The following OR2K2 variants were observed in gnomAD, a reference collection of about 807,000 sequenced individuals.
OR2K2 encodes the protein olfactory receptor 2K2.
OR2K2 carries 7 observed loss-of-function variants against 11.1 expected under a neutral mutation model. That is an observed-to-expected ratio of 0.63 (90% confidence interval 0.36 to 1.19). The LOEUF (loss-of-function observed/expected upper bound fraction) is 1.19. OR2K2 is among the 50% of genes most tolerant of loss of function. The probability of loss-of-function intolerance (pLI) is 0.02; values close to 1 mark genes in which losing one functional copy is unlikely to be tolerated. For missense variants in OR2K2, 391 were observed against 383.4 expected (o/e 1.02, Z -0.17); for synonymous variants, 152 against 150.8 (o/e 1.01, Z -0.06).
Position 111,327,887 on chromosome 9 carries a change from C to T in OR2K2, c.547G>A (p.Val183Met), listed in dbSNP as rs1273633155. ...IDHFTCEILAVLKLACTSSLL... is the reference protein window; with the variant it reads ...IDHFTCEILAMLKLACTSSLL... ...GAACTTGTGCAAGCTAACTTTAGCACCGCCAGAATTTCACACGTGAAGTGA... is the reference window on the plus strand; with the variant it reads ...GAACTTGTGCAAGCTAACTTTAGCATCGCCAGAATTTCACACGTGAAGTGA... The change falls in exon 2 of 2, where the codon GTG becomes ATG. Residue 183 changes from valine to methionine, a missense_variant. By Grantham distance (21) the Val-to-Met change is conservative. Transcript: ENST00000302681. 6.2e-7 allele frequency: 1 copy of T among 1,614,072 alleles called. No individual in the cohort carries two copies. Among genetic ancestry groups the T allele is most frequent in the Admixed American group, 1.7e-5 (1 of 60,000 alleles).
chr9:111,327,294 G>C lies in OR2K2; in HGVS notation c.*189C>G, dbSNP rs1303395140. 1.3e-5 allele frequency among the ~76,000 whole-genome samples: 2 copies of C among 152,074 alleles called. No homozygotes were observed. The highest frequency in any genetic ancestry group is 1.9e-4 in the East Asian group (1 of 5,198). Reference sequence around the variant, plus strand: ...ACCTCACAACCACAAAACACAAAAAGGAAATATTAACAAATGCAAATTGAA... The same window carrying C: ...ACCTCACAACCACAAAACACAAAAACGAAATATTAACAAATGCAAATTGAA... On this transcript the variant is annotated 3_prime_UTR_variant, in exon 2 of 2. Transcript: ENST00000302681.
Position 111,327,388 on chromosome 9 carries a change from G to C in OR2K2, c.*95C>G, listed in dbSNP as rs375088315. 137 of 767,040 alleles carry C rather than the reference G, an allele frequency of 1.8e-4. 2 individuals are homozygous for C. The East Asian group carries it at 2.1e-3, about 12-fold the overall frequency. The allele number at this position is 767,040 out of a possible 1,614,324, so 47.5% of individuals were successfully genotyped here. Reference sequence around the variant, plus strand: ...TAACTGTGAAATTATATAGAGATAAGATCCGATCAGAGTTCTAAGAGGTTG... The same window carrying C: ...TAACTGTGAAATTATATAGAGATAACATCCGATCAGAGTTCTAAGAGGTTG... On this transcript the variant is annotated 3_prime_UTR_variant, in exon 2 of 2. Transcript: ENST00000302681.
rs553537036 is a variant in OR2K2 at position 111,327,416 on chromosome 9, T to A, written c.*67A>T. On this transcript the variant is annotated 3_prime_UTR_variant, in exon 2 of 2. Transcript: ENST00000302681. ...CCGATCAGAGTTCTAAGAGGTTGTA[T>A]GTTGTCTCGAATTTCTCTGATGAGC... 2.7e-5 allele frequency: 27 copies of A among 1,001,186 alleles called. No homozygotes were observed. In the South Asian group the frequency reaches 3.8e-4, roughly 14 times the overall value. The allele number at this position is 1,001,186 out of a possible 1,614,324, so 62.0% of individuals were successfully genotyped here.
rs760066539 is a variant in OR2K2 at position 111,327,466 on chromosome 9, A to G, written c.*17T>C. On this transcript the variant is annotated 3_prime_UTR_variant, in exon 2 of 2. Coordinates refer to ENST00000302681, the MANE Select transcript of OR2K2 (RefSeq NM_205859.2). ...CTCTGCCAGGGGCACATCTCTGGTA[A>G]AACCATAGGGACCCAATCAGAGATG... The G allele has an allele frequency of 3.3e-6, 5 of 1,538,310 alleles. No individual in the cohort carries two copies. The Admixed American group carries it at 9.5e-5, about 29-fold the overall frequency.
rs574245816 is a variant in OR2K2, at chr9:111,327,452, G to A, written c.*31C>T. ...ATTTCTCTGATGAGCTCTGCCAGGG[G>A]CACATCTCTGGTAAAACCATAGGGA... On this transcript the variant is annotated 3_prime_UTR_variant, in exon 2 of 2. Transcript: ENST00000302681. 1.4e-5 allele frequency: 20 copies of A among 1,420,426 alleles called. No homozygotes were observed. In the African/African-American group the frequency reaches 2.9e-4, roughly 20 times the overall value. 88.0% of individuals were successfully genotyped at this position (1,420,426 alleles called of 1,614,324 possible). A position where few individuals can be genotyped will look rare whatever the true frequency, so the allele number is the denominator to read the frequency against.
rs199574190 is a variant in OR2K2 at position 111,328,034 on chromosome 9, T to C, written c.400A>G (p.Ile134Val). 6.2e-7 allele frequency: 1 copy of C among 1,614,200 alleles called. No homozygotes were observed. Among genetic ancestry groups the C allele is most frequent in the East Asian group, 2.2e-5 (1 of 44,886 alleles). The change falls in exon 2 of 2, where the codon ATC becomes GTC. Residue 134 changes from isoleucine (I) to valine (V), a missense_variant. Transcript: ENST00000302681. ...VAICNPLRYSIIMNRCVCARM... is the reference protein window; with the variant it reads ...VAICNPLRYSVIMNRCVCARM... ...GCACAGACGCACCTGTTCATGATGA[T>C]GGAGTATCTCAGCGGGTTACAAATG...
intron 1 of OR2K2, among the ~76,000 whole-genome samples, chr9:111,329,577 T>C (rs1173529387): frequency 6.6e-6 from 1 of 152,134 alleles, no homozygotes; most frequent in East Asian, 1.9e-4. Flanking sequence ...AAAATAAGAT[T>C]ACAGAGCACA....
rs947068909 is a variant in OR2K2, at chr9:111,328,051, T to A, written c.383A>T (p.Asn128Ile). ...MAYDRYVAIC[N>I]PLRYSIIMNR... Reference sequence around the variant, plus strand: ...CATGATGATGGAGTATCTCAGCGGGTTACAAATGGCCACATAACGGTCATA... The same window carrying A: ...CATGATGATGGAGTATCTCAGCGGGATACAAATGGCCACATAACGGTCATA... The change falls in exon 2 of 2, where the codon AAC becomes ATC. Residue 128 changes from asparagine (N) to isoleucine (I), a missense_variant. Transcript: ENST00000302681. 1 of 1,614,092 alleles carries A rather than the reference T, an allele frequency of 6.2e-7. No homozygotes were observed. The highest frequency in any genetic ancestry group is 1.1e-5 in the South Asian group (1 of 91,076).
chr9:111,327,806 T>G lies in OR2K2; in HGVS notation c.628A>C (p.Met210Leu). 1 of 1,614,124 alleles carries G rather than the reference T, an allele frequency of 6.2e-7. No individual in the cohort carries two copies. Among genetic ancestry groups the G allele is most frequent in the South Asian group, 1.1e-5 (1 of 91,076 alleles). The change falls in exon 2 of 2, where the codon ATG (methionine) becomes CTG (leucine). Residue 210 changes from methionine to leucine, a missense_variant. Coordinates refer to ENST00000302681, the MANE Select transcript of OR2K2 (RefSeq NM_205859.2). ...VVSILLLPIP[M>L]LLVCISYIFI... ...ATGTAAGAGATGCAAACTAAGAGCA[T>G]TGGAATTGGCAAGAGGAGAATGCTG...
Position 111,328,260 on chromosome 9 carries a change from G to T in OR2K2, c.174C>A (p.Pro58=), listed in dbSNP as rs752566904. The part of the protein sequence containing the change: ...ITILDSRLKT[P]MYLFLGNLSF... ...AGAGATTTCCAAGGAATAAGTACAT[G>T]GGGGTTTTAAGGCGTGAATCTAGGA... Residue 58 remains proline (P), a synonymous_variant, in exon 2 of 2, where the codon CCC becomes CCA. Coordinates refer to ENST00000302681, the MANE Select transcript of OR2K2 (RefSeq NM_205859.2). 4.3e-6 allele frequency: 7 copies of T among 1,613,884 alleles called. No individual in the cohort carries two copies. The South Asian group carries it at 7.7e-5, about 18-fold the overall frequency.
At chr9:111,329,197 G>A (rs2098102181) in intron 1 of OR2K2, among the ~76,000 whole-genome samples, 3 of 151,880 alleles carry the variant, frequency 2.0e-5, no homozygotes, top group African/African-American at 7.3e-5. Flanking sequence ...GTGAGACTCT[G>A]TCTCAAAAAA....
Position 111,328,155 on chromosome 9 carries a change from G to A in OR2K2, c.279C>T (p.Ile93=), listed in dbSNP as rs1176976546. 4 of 1,614,072 alleles carry A rather than the reference G, an allele frequency of 2.5e-6. No individual in the cohort carries two copies. Among genetic ancestry groups the A allele is most frequent in the Middle Eastern group, 1.6e-4 (1 of 6,084 alleles). ...VNLLSSQKTI[I]FSGCAVQMYL... ...ACATCTGTACAGCACACCCAGAAAAGATAATGGTTTTCTGGGATGACAGCA... is the reference window on the plus strand; with the variant it reads ...ACATCTGTACAGCACACCCAGAAAAAATAATGGTTTTCTGGGATGACAGCA... The change falls in exon 2 of 2, where the codon ATC becomes ATT. Residue 93 remains isoleucine (I), a synonymous_variant. Coordinates refer to ENST00000302681, the MANE Select transcript of OR2K2 (RefSeq NM_205859.2).
chr9:111,329,422 T>C lies in OR2K2; in HGVS notation c.-50+684A>G, dbSNP rs116773460. Among the ~76,000 whole-genome samples, 348 of 152,302 alleles carry C rather than the reference T, an allele frequency of 2.3e-3. 3 individuals are homozygous for C. Among genetic ancestry groups the C allele is most frequent in the African/African-American group, 8.2e-3 (341 of 41,556 alleles). On this transcript the variant is annotated intron_variant, in intron 1 of 1. Transcript: ENST00000302681. ...ACGTTTAATACTAATACATCCACCG[T>C]ACAATTTCATTCATTGTTGAGCCCC... is the stretch of plus-strand genomic sequence containing the variant.
At chr9:111,328,853 A>G (rs2098102069) in intron 1 of OR2K2, among the ~76,000 whole-genome samples, 1 of 152,238 alleles carries the variant, frequency 6.6e-6, no homozygotes, top group South Asian at 2.1e-4. Flanking sequence ...AGGAAAAGAA[A>G]GCTCAAATGT....
At chr9:111,329,201 CA>C (rs1202723378) in intron 1 of OR2K2, among the ~76,000 whole-genome samples, 1 of 150,374 alleles carries the variant, frequency 6.7e-6, no homozygotes, top group Non-Finnish European at 1.5e-5. Context: ...GACTCTGTCT[CA>C]AAAAAAAGAA....
rs144167845 is a variant in OR2K2, at chr9:111,327,891, C to A, written c.543G>T (p.Leu181=). The A allele has an allele frequency of 2.5e-6, 4 of 1,614,154 alleles. No homozygotes were observed. Among genetic ancestry groups the A allele is most frequent in the African/African-American group, 1.3e-5 (1 of 75,036 alleles). ...TTGTGCAAGCTAACTTTAGCACCGC[C>A]AGAATTTCACACGTGAAGTGATCGA... ...NLIDHFTCEI[L]AVLKLACTSS... Residue 181 remains leucine (L), a synonymous_variant, in exon 2 of 2, where the codon CTG becomes CTT. Coordinates refer to ENST00000302681, the MANE Select transcript of OR2K2 (RefSeq NM_205859.2).
chr9:111,327,844 A>G lies in OR2K2; in HGVS notation c.590T>C (p.Ile197Thr), dbSNP rs2098101692. 1.9e-6 allele frequency: 3 copies of G among 1,613,674 alleles called. No individual in the cohort carries two copies. The highest frequency in any genetic ancestry group is 8.5e-7 in the Non-Finnish European group (1 of 1,179,652). ...GAGGAGAATGCTGACCACCAGCATG[A>G]TGGTGTTCATGAGCAGTGAACTTGT... ...ACTSSLLMNTIMLVVSILLLP... is the reference protein window; with the variant it reads ...ACTSSLLMNTTMLVVSILLLP... Residue 197 changes from isoleucine (I) to threonine (T), a missense_variant, in exon 2 of 2, where the codon ATC becomes ACC. Ile to Thr is a moderately conservative substitution (Grantham distance 89). Coordinates refer to ENST00000302681, the MANE Select transcript of OR2K2 (RefSeq NM_205859.2).
rs73531578 is a variant in OR2K2, at chr9:111,328,349, C to T, written c.85G>A (p.Val29Ile). 1,110 of 1,613,756 alleles carry T rather than the reference C, an allele frequency of 6.9e-4. 4 individuals are homozygous for T. In the African/African-American group the frequency reaches 0.01, roughly 15 times the overall value. Residue 29 changes from valine (V) to isoleucine (I), a missense_variant, in exon 2 of 2, where the codon GTC becomes ATC. Coordinates refer to ENST00000302681, the MANE Select transcript of OR2K2 (RefSeq NM_205859.2). ...QYPGLEVVLF[V>I]FSLVMYLTTL... is the part of the protein sequence containing the mutation. ...GTCAGATACATTACAAGGCTGAAGA[C>T]GAAGAGAACCACTTCTAACCCTGGG...
Position 111,328,274 on chromosome 9 carries a change from G to A in OR2K2, c.160C>T (p.Arg54Cys), listed in dbSNP as rs117283259. 441 of 1,614,148 alleles carry A rather than the reference G, an allele frequency of 2.7e-4. 1 individual carries two copies. Among genetic ancestry groups the A allele is most frequent in the African/African-American group, 2.3e-3 (175 of 75,050 alleles). Reference sequence around the variant, plus strand: ...AATAAGTACATGGGGGTTTTAAGGCGTGAATCTAGGATAGTGATCAAAATA... The same window carrying A: ...AATAAGTACATGGGGGTTTTAAGGCATGAATCTAGGATAGTGATCAAAATA... ...TLILITILDS[R>C]LKTPMYLFLG... is the part of the protein sequence containing the mutation. Residue 54 changes from arginine to cysteine, a missense_variant, in exon 2 of 2, where the codon CGC (arginine) becomes TGC (cysteine). By Grantham distance (180) the Arg-to-Cys change is radical. Coordinates refer to ENST00000302681, the MANE Select transcript of OR2K2 (RefSeq NM_205859.2).
Sources: gnomAD v4.1 joint callset for allele counts (sites outside exome capture counted in the v4.1 genomes callset) on GRCh38, gnomAD v4.1.1 for gene constraint, MANE v1.5 for transcripts, NCBI Gene and HGNC (gene_info 2026-07-23, HGNC 2026-07-21) for gene names.